The following MGAT5 variants were observed in gnomAD, a reference collection of about 807,000 sequenced individuals.
The protein encoded by MGAT5 is alpha-1,6-mannosylglycoprotein 6-beta-N-acetylglucosaminyltransferase A.
Under a neutral mutation model 94.3 loss-of-function variants are expected in MGAT5, and 30 were observed. The ratio of observed to expected loss-of-function variants is 0.32; its 90% confidence interval spans 0.24 to 0.43. The LOEUF (loss-of-function observed/expected upper bound fraction) is 0.43. MGAT5 is among the 20% of genes least tolerant of loss of function. MGAT5 has a pLI of 1.00. For missense variants in MGAT5, 691 were observed against 905.5 expected (o/e 0.76, Z 3.04); for synonymous variants, 310 against 322.9 (o/e 0.96, Z 0.43).
At chr2:134,344,904 T>A in intron 7 of MGAT5, 26 bp from the exon 8 acceptor site, 1 of 1,604,900 alleles carries the variant, frequency 6.2e-7, no homozygotes, top group Non-Finnish European at 8.5e-7. Flanking sequence ...CTCTTTTTTC[T>A]CCCCTCTCTT....
chr2:134,246,514 A>C (rs1682271480), intron 1 of MGAT5, among the ~76,000 whole-genome samples: 1 of 152,172 alleles, frequency 6.6e-6, no homozygotes, highest in African/African-American at 2.4e-5. Context: ...ACTGCCCCCC[A>C]CCACCGTCCC....
At chr2:134,335,750 T>A (rs927148149) in intron 4 of MGAT5, among the ~76,000 whole-genome samples, 3 of 152,150 alleles carry the variant, frequency 2.0e-5, no homozygotes, top group African/African-American at 7.2e-5. Flanking sequence ...CTAACTCAGA[T>A]AAAGGATTGA....
At chr2:134,414,676 T>C (rs1048274348) in intron 12 of MGAT5, among the ~76,000 whole-genome samples, 1 of 152,186 alleles carries the variant, frequency 6.6e-6, no homozygotes, top group African/African-American at 2.4e-5. Context: ...TACAGTATTG[T>C]TAACTATGGT....
chr2:134,375,302 A>G (rs143343761), intron 10 of MGAT5, among the ~76,000 whole-genome samples: 2 of 152,340 alleles, frequency 1.3e-5, no homozygotes, highest in East Asian at 3.9e-4. Context: ...ACTACAAGGA[A>G]TGGATTCTCT....
intron 15 of MGAT5, among the ~76,000 whole-genome samples, chr2:134,446,117 C>G (rs1331634365): frequency 6.6e-6 from 1 of 152,090 alleles, no homozygotes; most frequent in Non-Finnish European, 1.5e-5. Flanking sequence ...CGGGTCTCAC[C>G]TGTGGCCTGG....
upstream of MGAT5, among the ~76,000 whole-genome samples, chr2:134,251,554 A>G (rs1462674519): frequency 2.6e-5 from 4 of 152,206 alleles, no homozygotes; most frequent in African/African-American, 7.2e-5. Context: ...AGTCCCACAT[A>G]GAAACTTTGA....
chr2:134,200,700 T>C (rs1416526640), intron 1 of MGAT5, among the ~76,000 whole-genome samples: 1 of 152,148 alleles, frequency 6.6e-6, no homozygotes, highest in Non-Finnish European at 1.5e-5. Context: ...TCTGCTTCTG[T>C]GGAGCCTATG....
At chr2:134,424,345 TC>T in intron 13 of MGAT5, among the ~76,000 whole-genome samples, 1 of 152,156 alleles carries the variant, frequency 6.6e-6, no homozygotes, top group East Asian at 1.9e-4. Flanking sequence ...GTGAGGGCAC[TC>T]CGATGCATTA....
intron 10 of MGAT5, among the ~76,000 whole-genome samples, chr2:134,380,925 A>C (rs1681498562): frequency 6.6e-6 from 1 of 152,208 alleles, no homozygotes; most frequent in African/African-American, 2.4e-5. Context: ...AAAGAAGGTA[A>C]TACACCATTA....
chr2:134,249,250 G>A (rs1682451839), upstream of MGAT5, among the ~76,000 whole-genome samples: 1 of 147,942 alleles, frequency 6.8e-6, no homozygotes, highest in Non-Finnish European at 1.5e-5. Context: ...TTTTTTTTGA[G>A]ATATGATACA....
At chr2:134,174,676 T>C (rs755649187) in intron 1 of MGAT5, among the ~76,000 whole-genome samples, 1 of 152,234 alleles carries the variant, frequency 6.6e-6, no homozygotes, top group African/African-American at 2.4e-5. Flanking sequence ...TTAAACATGA[T>C]AAAATAAAGC....
At chr2:134,405,445 T>TG (rs1290607512) in intron 11 of MGAT5, among the ~76,000 whole-genome samples, 1 of 152,182 alleles carries the variant, frequency 6.6e-6, no homozygotes, top group Non-Finnish European at 1.5e-5. Context: ...CCCTCACACC[T>TG]GGCACACAGC....
chr2:134,246,457 TCTC>T (rs1682268326), intron 1 of MGAT5, among the ~76,000 whole-genome samples: 2 of 152,150 alleles, frequency 1.3e-5, no homozygotes, highest in South Asian at 4.1e-4. Flanking sequence ...GCCTGTCCCT[TCTC>T]CTCCTCTGCT....
intron 2 of MGAT5, among the ~76,000 whole-genome samples, chr2:134,312,891 A>C (rs1226011668): frequency 1.3e-5 from 2 of 151,980 alleles, no homozygotes; most frequent in Non-Finnish European, 2.9e-5. Flanking sequence ...GTATCAAGGC[A>C]AGTTATCCCC....
At chr2:134,263,680 C>T (rs1318370967) in intron 1 of MGAT5, among the ~76,000 whole-genome samples, 2 of 152,098 alleles carry the variant, frequency 1.3e-5, no homozygotes, top group Non-Finnish European at 2.9e-5. Flanking sequence ...TGGGTATTGC[C>T]TTACATGACT....
intron 1 of MGAT5, among the ~76,000 whole-genome samples, chr2:134,184,240 A>C (rs1340391897): frequency 6.6e-6 from 1 of 152,170 alleles, no homozygotes; most frequent in African/African-American, 2.4e-5. Context: ...GTTGCTTGTG[A>C]GTTTCAGGGC....
At chr2:134,219,801 G>T (rs966655363) in intron 1 of MGAT5, among the ~76,000 whole-genome samples, 2 of 152,180 alleles carry the variant, frequency 1.3e-5, no homozygotes, top group African/African-American at 4.8e-5. Context: ...TGGTGAAGTT[G>T]TTAGGAGTAT....
At chr2:134,414,389 T>C (rs188454037) in intron 12 of MGAT5, among the ~76,000 whole-genome samples, 1 of 152,306 alleles carries the variant, frequency 6.6e-6, no homozygotes, top group Admixed American at 6.5e-5. Flanking sequence ...AGTGAAAATA[T>C]CTCAGTTTAG....
rs139692723 is a variant in MGAT5, at chr2:134,355,615, T to C, written c.1246+5677T>C. 1.9e-4 allele frequency among the ~76,000 whole-genome samples: 29 copies of C among 152,338 alleles called. No individual in the cohort carries two copies. The East Asian group carries it at 5.6e-3, about 29-fold the overall frequency. ...ACAAGGTGCATTATATCTCAGTAAA[T>C]AAATGCAAGAAATCTGCCCGCACAG... On this transcript the variant is annotated intron_variant, in intron 9 of 15. Transcript: ENST00000281923.
Sources: allele counts gnomAD v4.1 joint callset (sites outside exome capture counted in the v4.1 genomes callset), GRCh38; gene constraint gnomAD v4.1.1; transcripts MANE v1.5; gene names NCBI Gene and HGNC (gene_info 2026-07-23, HGNC 2026-07-21).